Variants in ATP6V1H observed in about 807,000 individuals in gnomAD.
The protein encoded by ATP6V1H is ATPase H+ transporting V1 subunit H.
A neutral mutation model predicts 71.7 loss-of-function variants in ATP6V1H; 39 were observed. The ratio of observed to expected loss-of-function variants is 0.54; its 90% CI spans 0.42 to 0.71. The LOEUF (loss-of-function observed/expected upper bound fraction) is 0.71. Ranked by LOEUF, ATP6V1H falls within the 30% of genes least tolerant of loss-of-function variation. The pLI is 0.00. For missense variants in ATP6V1H, 509 were observed against 594.9 expected (o/e 0.86, Z 1.50); for synonymous variants, 192 against 199.3 (o/e 0.96, Z 0.31).
At chr8:53,839,466 T>A (rs532349381) in intron 2 of ATP6V1H, among the ~76,000 whole-genome samples, 1 of 152,232 alleles carries the variant, frequency 6.6e-6, no homozygotes, top group African/African-American at 2.4e-5. Flanking sequence ...CCCAGTTCCT[T>A]AAAGTAGGAA....
intron 9 of ATP6V1H, among the ~76,000 whole-genome samples, chr8:53,785,078 T>G (rs1809322821): frequency 6.6e-6 from 1 of 152,206 alleles, no homozygotes; most frequent in African/African-American, 2.4e-5. Flanking sequence ...AATTTGAATG[T>G]TGGCCTGCCT....
chr8:53,816,807 A>G (rs1810469168), intron 5 of ATP6V1H, among the ~76,000 whole-genome samples: 1 of 152,180 alleles, frequency 6.6e-6, no homozygotes, highest in Non-Finnish European at 1.5e-5. Flanking sequence ...AAAAAAAACC[A>G]GAGTGTATTT....
rs781208159 is a variant in ATP6V1H, at chr8:53,716,021, T to C, written c.1395A>G (p.Glu465=). 2.5e-6 allele frequency: 4 copies of C among 1,604,630 alleles called. No individual in the cohort carries two copies. In the African/African-American group the frequency reaches 5.3e-5, roughly 21 times the overall value. ...CGGACTGGAGCTGCTTGCCAAGGTA[T>C]TCCCTGAAAAAAAAGAATGAAGTAA... is the stretch of plus-strand genomic sequence containing the variant. ...AVQKLMVHNW[E]YLGKQLQSEQ... Residue 465 remains glutamate, a synonymous_variant, in exon 14 of 14, where the codon GAA becomes GAG. Coordinates refer to ENST00000359530, the MANE Select transcript of ATP6V1H (RefSeq NM_015941.4).
intron 5 of ATP6V1H, among the ~76,000 whole-genome samples, chr8:53,816,804 A>AT (rs1238685421): frequency 6.6e-6 from 1 of 152,204 alleles, no homozygotes; most frequent in Admixed American, 6.5e-5. Context: ...CAAAAAAAAA[A>AT]CCAGAGTGTA....
chr8:53,792,188 T>C (rs1336136114), intron 9 of ATP6V1H, among the ~76,000 whole-genome samples: 2 of 152,160 alleles, frequency 1.3e-5, no homozygotes, highest in African/African-American at 4.8e-5. Flanking sequence ...AGAGCCACCA[T>C]GGTGAGGGAG....
At chr8:53,797,797 G>A (rs1809789694) in intron 8 of ATP6V1H, among the ~76,000 whole-genome samples, 1 of 151,860 alleles carries the variant, frequency 6.6e-6, no homozygotes, top group East Asian at 1.9e-4. Flanking sequence ...CCAGGAATTT[G>A]AGGCTAGCCT....
rs1808005411 is a variant in ATP6V1H at position 53,755,710 on chromosome 8, ATATATATATATATATATATATATATATAT to A, written c.1277+816_1277+844del. On this transcript the variant is annotated intron_variant, in intron 12 of 13. Transcript: ENST00000359530. ...CATATATATATATATATATATATATATATATATATATATATATATATATATATATATATATTTTTTTTTTTTTTTTTTTT... is the reference window on the plus strand; with the variant it reads ...CATATATATATATATATATATATATAATATATTTTTTTTTTTTTTTTTTTT... Among the ~76,000 whole-genome samples the A allele has an allele frequency of 4.8e-4, 5 of 10,428 alleles. 1 individual carries two copies. The highest frequency in any genetic ancestry group is 2.5e-3 in the East Asian group (2 of 790). 6.8% of individuals were successfully genotyped at this position (10,428 alleles called of 152,430 possible).
At chr8:53,757,781 T>A (rs983944081) in intron 11 of ATP6V1H, among the ~76,000 whole-genome samples, 1 of 152,118 alleles carries the variant, frequency 6.6e-6, no homozygotes, top group Non-Finnish European at 1.5e-5. Context: ...TCCCCACCAT[T>A]CTCCTCTCCT....
chr8:53,782,946 G>A (rs1289165952), intron 9 of ATP6V1H, among the ~76,000 whole-genome samples: 1 of 152,194 alleles, frequency 6.6e-6, no homozygotes. Flanking sequence ...CGGTTTGCCA[G>A]TATTTTATTG....
chr8:53,790,161 C>G (rs979895365), intron 9 of ATP6V1H, among the ~76,000 whole-genome samples: 1 of 152,192 alleles, frequency 6.6e-6, no homozygotes, highest in Non-Finnish European at 1.5e-5. Context: ...ATTAAGTAAA[C>G]ATGTTTTTAC....
At chr8:53,719,560 C>G (rs1806545317) in intron 13 of ATP6V1H, among the ~76,000 whole-genome samples, 1 of 152,236 alleles carries the variant, frequency 6.6e-6, no homozygotes, top group African/African-American at 2.4e-5. Flanking sequence ...TCTGAATCCT[C>G]TGTGCCAGGC....
At chr8:53,732,517 A>G (rs1807057570) in intron 13 of ATP6V1H, among the ~76,000 whole-genome samples, 1 of 152,120 alleles carries the variant, frequency 6.6e-6, no homozygotes, top group South Asian at 2.1e-4. Flanking sequence ...AACTACAGAC[A>G]GGGAACAATT....
At chr8:53,804,940 G>C (rs1206861968) in intron 7 of ATP6V1H, among the ~76,000 whole-genome samples, 1 of 152,142 alleles carries the variant, frequency 6.6e-6, no homozygotes, top group Admixed American at 6.5e-5. Flanking sequence ...ACAACACAAA[G>C]ATAATAGCAA....
At chr8:53,723,936 T>G (rs1806713669) in intron 13 of ATP6V1H, among the ~76,000 whole-genome samples, 1 of 152,256 alleles carries the variant, frequency 6.6e-6, no homozygotes, top group Non-Finnish European at 1.5e-5. Flanking sequence ...TGAATGGACC[T>G]ACTATCACCA....
At chr8:53,725,275 GC>G (rs1806773200) in intron 13 of ATP6V1H, among the ~76,000 whole-genome samples, 2 of 152,194 alleles carry the variant, frequency 1.3e-5, no homozygotes, top group South Asian at 2.1e-4. Flanking sequence ...CGGGCACTCA[GC>G]CCCCTGGCCA....
At chr8:53,777,652 A>C (rs983636672) in intron 9 of ATP6V1H, among the ~76,000 whole-genome samples, 3 of 152,222 alleles carry the variant, frequency 2.0e-5, no homozygotes. Flanking sequence ...CGAAGAGTAA[A>C]TATTTTAGGC....
intron 9 of ATP6V1H, among the ~76,000 whole-genome samples, chr8:53,779,350 A>G (rs1389026881): frequency 2.6e-5 from 4 of 152,058 alleles, no homozygotes; most frequent in Admixed American, 2.6e-4. Context: ...CCGTAATGGA[A>G]TTAAGCTTAA....
intron 6 of ATP6V1H, 23 bp downstream of exon 6, chr8:53,814,639 T>C: frequency 7.7e-7 from 1 of 1,298,240 alleles, no homozygotes; most frequent in Non-Finnish European, 1.1e-6. Flanking sequence ...CTTTCAAAGG[T>C]ACTTTAAAAA....
At chr8:53,807,838 A>G (rs1384704949) in intron 7 of ATP6V1H, among the ~76,000 whole-genome samples, 5 of 152,240 alleles carry the variant, frequency 3.3e-5, no homozygotes, top group Admixed American at 6.5e-5. Context: ...TTTAAAACTA[A>G]ATAAAATTGA....
Sources: allele counts gnomAD v4.1 joint callset (sites outside exome capture counted in the v4.1 genomes callset), GRCh38; gene constraint gnomAD v4.1.1; transcripts MANE v1.5; gene names NCBI Gene and HGNC (gene_info 2026-07-23, HGNC 2026-07-21).